NVL: variants seen among roughly 807,000 people sequenced by gnomAD.
NVL encodes nuclear valosin-containing protein-like.
NVL carries 84 observed loss-of-function variants against 110.2 expected under a neutral mutation model. The observed-to-expected ratio is 0.76, with a 90% CI of 0.64 to 0.91. NVL has a LOEUF of 0.91. Ranked by LOEUF, NVL falls within the 40% of genes least tolerant of loss-of-function variation. NVL has a pLI of 0.00. For missense variants in NVL, 882 were observed against 1,035.9 expected, an observed-to-expected ratio of 0.85 and a Z score of 2.04; for synonymous variants, 354 against 361.1, an observed-to-expected ratio of 0.98 and a Z score of 0.22.
At chr1:224,307,449 C>A (rs573845831) in intron 6 of NVL, among the ~76,000 whole-genome samples, 2 of 152,260 alleles carry the variant, frequency 1.3e-5, no homozygotes, top group South Asian at 4.1e-4. Flanking sequence ...CGCCTACAAT[C>A]CCAGAACTTT....
At chr1:224,284,626 C>T (rs1666681990) in intron 15 of NVL, among the ~76,000 whole-genome samples, 1 of 152,046 alleles carries the variant, frequency 6.6e-6, no homozygotes, top group African/African-American at 2.4e-5. Flanking sequence ...GTGATCCACC[C>T]GCCTCGGCCT....
chr1:224,282,892 C>G (rs1666507927), intron 15 of NVL, among the ~76,000 whole-genome samples: 1 of 152,194 alleles, frequency 6.6e-6, no homozygotes, highest in African/African-American at 2.4e-5. Context: ...CAATCAAGAT[C>G]AGCCAAATAC....
chr1:224,256,735 G>C (rs142188061), intron 18 of NVL, among the ~76,000 whole-genome samples: 17 of 152,270 alleles, frequency 1.1e-4, no homozygotes, highest in African/African-American at 3.6e-4. Context: ...TTAGAAATGA[G>C]ATGCTAATCT....
intron 18 of NVL, among the ~76,000 whole-genome samples, chr1:224,261,415 T>A (rs1663972813): frequency 6.6e-6 from 1 of 152,162 alleles, no homozygotes; most frequent in Non-Finnish European, 1.5e-5. Context: ...TAATAAGATA[T>A]TTGGGTTTCA....
At chr1:224,323,684 A>G (rs1332118192) in intron 2 of NVL, among the ~76,000 whole-genome samples, 2 of 152,224 alleles carry the variant, frequency 1.3e-5, no homozygotes, top group Non-Finnish European at 2.9e-5. Context: ...AGGAGGCTCA[A>G]AAGAAGGCAG....
In NVL at chr1:224,264,524, A is replaced by G. The variant is rs144688216; in HGVS notation, c.2182+3510T>C. ...CCACAGTGCTGGGATTACAGGTGTG[A>G]GTCACTGCATCCAGCCACAAATGGT... On this transcript the variant is annotated intron_variant, in intron 18 of 22. Coordinates refer to ENST00000281701, the MANE Select transcript of NVL (RefSeq NM_002533.4). Among the ~76,000 whole-genome samples the G allele has an allele frequency of 2.6e-4, 39 of 152,296 alleles. 1 individual carries two copies. Among genetic ancestry groups the G allele is most frequent in the Non-Finnish European group, 5.1e-4 (35 of 68,018 alleles).
chr1:224,298,931 G>A (rs1467310877), intron 10 of NVL, among the ~76,000 whole-genome samples: 1 of 151,892 alleles, frequency 6.6e-6, no homozygotes, highest in Non-Finnish European at 1.5e-5. Flanking sequence ...GGTAAATTCT[G>A]TTATATATAT....
At chr1:224,241,431 T>C (rs1571791958) in intron 19 of NVL, among the ~76,000 whole-genome samples, 1 of 152,298 alleles carries the variant, frequency 6.6e-6, no homozygotes, top group East Asian at 1.9e-4. Context: ...TTTTTCTTTA[T>C]GACATTATCT....
chr1:224,251,322 T>C (rs1662477124), intron 18 of NVL, among the ~76,000 whole-genome samples: 1 of 150,982 alleles, frequency 6.6e-6, no homozygotes, highest in African/African-American at 2.4e-5. Flanking sequence ...AATAACCTCT[T>C]TATAAAAAAT....
chr1:224,305,146 A>G lies in NVL; in HGVS notation c.636T>C (p.Leu212=). The change falls in exon 7 of 23, where the codon CTT becomes CTC. Residue 212 remains leucine (L), a synonymous_variant. Transcript: ENST00000281701. ...CTTTCCGTTTCATATCACTCTCCAA[A>G]AGAGAAGAATCTTTTGAATCCTGGA... The part of the protein sequence containing the change: ...TEIQDSKDSS[L]LESDMKRKGK... The G allele has an allele frequency of 6.2e-7, 1 of 1,610,390 alleles. No homozygotes were observed. The highest frequency in any genetic ancestry group is 1.3e-5 in the African/African-American group (1 of 74,882).
intron 18 of NVL, among the ~76,000 whole-genome samples, chr1:224,264,671 G>T (rs554045571): frequency 6.6e-6 from 1 of 152,178 alleles, no homozygotes; most frequent in African/African-American, 2.4e-5. Context: ...ACAATGTCAC[G>T]TGATAGTATA....
intron 15 of NVL, 95 bp downstream of exon 15, chr1:224,285,931 A>G: frequency 2.3e-6 from 2 of 872,700 alleles, no homozygotes; most frequent in Non-Finnish European, 1.8e-6. Flanking sequence ...AAAATTATGC[A>G]TAAGACTTAC....
intron 18 of NVL, among the ~76,000 whole-genome samples, chr1:224,265,265 G>C (rs1664383828): frequency 6.6e-6 from 1 of 152,058 alleles, no homozygotes; most frequent in Non-Finnish European, 1.5e-5. Context: ...AGCACTTTGG[G>C]AGGCCGAGGA....
intron 18 of NVL, among the ~76,000 whole-genome samples, chr1:224,257,852 T>C (rs552231174): frequency 1.4e-4 from 21 of 152,242 alleles, no homozygotes; most frequent in Non-Finnish European, 2.1e-4. Context: ...ACAAGGGATA[T>C]TGACACTCAA....
chr1:224,252,659 G>T (rs186202723), intron 18 of NVL, among the ~76,000 whole-genome samples: 1 of 152,168 alleles, frequency 6.6e-6, no homozygotes, highest in East Asian at 1.9e-4. Flanking sequence ...TTCTCTCTTG[G>T]AATGCTAGGA....
intron 19 of NVL, among the ~76,000 whole-genome samples, chr1:224,242,294 G>T (rs1661285557): frequency 6.6e-6 from 1 of 151,836 alleles, no homozygotes; most frequent in Non-Finnish European, 1.5e-5. Flanking sequence ...TGGCTAAAAT[G>T]GTAAATTTTA....
intron 1 of NVL, 113 bp downstream of exon 1, chr1:224,329,958 T>C: frequency 9.6e-7 from 1 of 1,040,292 alleles, no homozygotes; most frequent in Non-Finnish European, 1.5e-6. Flanking sequence ...AGACCCAGAC[T>C]GGGGAAAGAA....
chr1:224,262,352 A>G (rs1664078022), intron 18 of NVL, among the ~76,000 whole-genome samples: 1 of 152,172 alleles, frequency 6.6e-6, no homozygotes, highest in Admixed American at 6.5e-5. Flanking sequence ...ATATTTTTAA[A>G]TATAAAAGAA....
At chr1:224,310,086 G>A (rs1669354003) in intron 5 of NVL, among the ~76,000 whole-genome samples, 1 of 151,362 alleles carries the variant, frequency 6.6e-6, no homozygotes, top group South Asian at 2.1e-4. Context: ...GGGAGGTGGA[G>A]GCTGCAGTGA....
Sources: gnomAD v4.1 joint callset for allele counts (sites outside exome capture counted in the v4.1 genomes callset) on GRCh38, gnomAD v4.1.1 for gene constraint, MANE v1.5 for transcripts, NCBI Gene and HGNC (gene_info 2026-07-23, HGNC 2026-07-21) for gene names.